Variants in OSBPL3 observed in about 807,000 individuals in gnomAD.
The protein encoded by OSBPL3 is oxysterol binding protein like 3.
A neutral mutation model predicts 120.1 loss-of-function variants in OSBPL3; 65 were observed. The ratio of observed to expected loss-of-function variants is 0.54; its 90% CI spans 0.44 to 0.67. The LOEUF is 0.67. Ranked by LOEUF, OSBPL3 falls within the 30% of genes least tolerant of loss-of-function variation. The pLI is 0.00. For synonymous variants in OSBPL3, 416 were observed against 402.6 expected, an observed-to-expected ratio of 1.03 and a Z score of -0.40; for missense variants, 1,004 against 1,082.1, an observed-to-expected ratio of 0.93 and a Z score of 1.01.
In OSBPL3 at chr7:24,830,527, G is replaced by C. The variant is rs143484173; in HGVS notation, c.1884+241C>G. The stretch of plus-strand genomic sequence containing the variant: ...TGTGCTAATGATTTTAAAGAGAAAG[G>C]ACACCGGCAATGCATGTAGCCAAGC... On this transcript the variant is annotated intron_variant, in intron 16 of 22. Transcript: ENST00000313367. This position sits in a 1 kb window ranked among gnomAD's most constrained non-coding sequence, Gnocchi z 4.4. 5.2e-3 allele frequency among the ~76,000 whole-genome samples: 795 copies of C among 152,204 alleles called. 3 individuals carry two copies. Among genetic ancestry groups the C allele is most frequent in the Middle Eastern group, 0.017 (5 of 294 alleles).
intron 1 of OSBPL3, among the ~76,000 whole-genome samples, chr7:24,934,692 A>G (rs1812184227): frequency 6.6e-6 from 1 of 152,174 alleles, no homozygotes; most frequent in Non-Finnish European, 1.5e-5. Flanking sequence ...CATACAGCTT[A>G]CTTTTGAATG....
chr7:24,917,411 T>TATATTTGTAAC (rs1809769174), intron 1 of OSBPL3, among the ~76,000 whole-genome samples: 4 of 137,598 alleles, frequency 2.9e-5, no homozygotes, highest in African/African-American at 1.2e-4. Flanking sequence ...CATATATATA[T>TATATTTGTAAC]ATATATATAT....
rs1818135047 is a variant in OSBPL3 at position 24,980,158 on chromosome 7, G to C, written c.-422C>G. The stretch of plus-strand genomic sequence containing the variant: ...GCCACCAGCACGCGGCCAGTTCTGA[G>C]TACTTTGCCCAGAACTTCTCGGCGC... On this transcript the variant is annotated 5_prime_UTR_variant, in exon 1 of 23. Coordinates refer to ENST00000313367, the MANE Select transcript of OSBPL3 (RefSeq NM_015550.4). 1 of 551,490 alleles carries C rather than the reference G, an allele frequency of 1.8e-6. No homozygotes were observed. The highest frequency in any genetic ancestry group is 2.3e-6 in the Non-Finnish European group (1 of 433,448). The allele number at this position is 551,490 out of a possible 1,614,324, so 34.2% of individuals were successfully genotyped here.
chr7:24,843,195 T>G (rs1032727676), intron 12 of OSBPL3, among the ~76,000 whole-genome samples: 8 of 149,760 alleles, frequency 5.3e-5, no homozygotes, highest in East Asian at 1.9e-4. Flanking sequence ...GTGGACTGAA[T>G]GAATGGTGAG....
Position 24,842,419 on chromosome 7 carries a change from TGAAGAACAAAA to T in OSBPL3, c.1267-17_1267-7del. 1 of 1,588,000 alleles carries T rather than the reference TGAAGAACAAAA, an allele frequency of 6.3e-7. No individual in the cohort carries two copies. The highest frequency in any genetic ancestry group is 2.2e-5 in the East Asian group (1 of 44,726). Reference sequence around the variant, plus strand: ...TTTTCATCTCTGGAGTTTTCCTATTTGAAGAACAAAACCAAAAATGTATACATTTAAAAACA... The same window carrying T: ...TTTTCATCTCTGGAGTTTTCCTATTTCCAAAAATGTATACATTTAAAAACA... On this transcript the variant is annotated splice_region_variant and splice_polypyrimidine_tract_variant and intron_variant, in intron 12 of 22. Coordinates refer to ENST00000313367, the MANE Select transcript of OSBPL3 (RefSeq NM_015550.4).
chr7:24,808,701 G>T lies in OSBPL3; in HGVS notation c.2317+1106C>A, dbSNP rs549034159. On this transcript the variant is annotated intron_variant, in intron 20 of 22. Coordinates refer to ENST00000313367, the MANE Select transcript of OSBPL3 (RefSeq NM_015550.4). This position sits in a 1 kb window ranked among gnomAD's most constrained non-coding sequence, Gnocchi z 4.6. ...TGCTTGCTAACAGAATACTGATTCT[G>T]TTCAAATGGCATTGTGCCCTTACTG... Among the ~76,000 whole-genome samples, 1 of 152,316 alleles carries T rather than the reference G, an allele frequency of 6.6e-6. No individual in the cohort carries two copies. Among genetic ancestry groups the T allele is most frequent in the East Asian group, 1.9e-4 (1 of 5,194 alleles).
chr7:24,815,149 T>C lies in OSBPL3; in HGVS notation c.2082A>G (p.Leu694=), dbSNP rs781071460. The part of the protein sequence containing the change: ...NKVTSCIHNI[L]SGQRWIEHYG... ...AGTGCTCAATCCACCTCTGCCCGCT[T>C]AAGATGTTATGGATGCAAGAGGTCA... The change falls in exon 19 of 23, where the codon TTA becomes TTG. Residue 694 remains leucine (L), a synonymous_variant. Coordinates refer to ENST00000313367, the MANE Select transcript of OSBPL3 (RefSeq NM_015550.4). The surrounding 1 kb of genome is among the most constrained non-coding windows in gnomAD (Gnocchi z 5.1). 6.2e-7 allele frequency: 1 copy of C among 1,613,118 alleles called. No individual in the cohort carries two copies. The highest frequency in any genetic ancestry group is 1.1e-5 in the South Asian group (1 of 91,042).
chr7:24,840,534 G>A (rs1259888929), intron 14 of OSBPL3, among the ~76,000 whole-genome samples, 156 bp downstream of exon 14: 1 of 152,130 alleles, frequency 6.6e-6, no homozygotes, highest in Non-Finnish European at 1.5e-5. Context: ...AATGTTAGTA[G>A]TTACATCTTT....
Position 24,852,584 on chromosome 7 carries a change from T to G in OSBPL3, c.1078A>C (p.Lys360Gln). 1 of 1,609,254 alleles carries G rather than the reference T, an allele frequency of 6.2e-7. No individual in the cohort carries two copies. The highest frequency in any genetic ancestry group is 8.5e-7 in the Non-Finnish European group (1 of 1,177,962). ...AFNIMSAERE[K>Q]LKQLMEQDAS... is the part of the protein sequence containing the mutation. ...TCCTGCTCCATCAGCTGCTTCAGTT[T>G]CTCTCTCTCCGCTGACATGATATTA... is the stretch of plus-strand genomic sequence containing the variant. The change falls in exon 11 of 23, where the codon AAA becomes CAA. Residue 360 changes from lysine to glutamine, a missense_variant. Physicochemically the swap from Lys to Gln is moderately conservative, Grantham distance 53. This residue lies in a region of OSBPL3 where 272 missense variants were observed against 248.8 expected (regional missense o/e 1.09). Coordinates refer to ENST00000313367, the MANE Select transcript of OSBPL3 (RefSeq NM_015550.4). This position sits in a 1 kb window ranked among gnomAD's most constrained non-coding sequence, Gnocchi z 4.1.
rs1020312221 is a variant in OSBPL3 at position 24,933,404 on chromosome 7, G to A, written c.-149-40783C>T. On this transcript the variant is annotated intron_variant, in intron 1 of 22. Coordinates refer to ENST00000313367, the MANE Select transcript of OSBPL3 (RefSeq NM_015550.4). This position sits in a 1 kb window ranked among gnomAD's most constrained non-coding sequence, Gnocchi z 5.1. Reference sequence around the variant, plus strand: ...TTTCTCTCTCAATGGACTCTGATTTGTTACTGAATAATTTCATGGACATAA... The same window carrying A: ...TTTCTCTCTCAATGGACTCTGATTTATTACTGAATAATTTCATGGACATAA... 6.6e-6 allele frequency among the ~76,000 whole-genome samples: 1 copy of A among 152,104 alleles called. No individual in the cohort carries two copies. Among genetic ancestry groups the A allele is most frequent in the Non-Finnish European group, 1.5e-5 (1 of 68,026 alleles).
chr7:24,818,054 C>T lies in OSBPL3; in HGVS notation c.1949-1366G>A, dbSNP rs760630661. ...CAGGTGAGAGAGGTGGGTCTGGGAC[C>T]AGCGAGCACAGTGGGCCTCATATTG... On this transcript the variant is annotated intron_variant, in intron 17 of 22. Transcript: ENST00000313367. The surrounding 1 kb of genome is among the most constrained non-coding windows in gnomAD (Gnocchi z 4.0). 6.6e-6 allele frequency among the ~76,000 whole-genome samples: 1 copy of T among 152,106 alleles called. No homozygotes were observed. The highest frequency in any genetic ancestry group is 2.4e-5 in the African/African-American group (1 of 41,394).
chr7:24,854,260 C>T lies in OSBPL3; in HGVS notation c.1028-1626G>A, dbSNP rs1455687084. 3.3e-5 allele frequency among the ~76,000 whole-genome samples: 5 copies of T among 152,124 alleles called. No individual in the cohort carries two copies. Among genetic ancestry groups the T allele is most frequent in the African/African-American group, 7.2e-5 (3 of 41,396 alleles). On this transcript the variant is annotated intron_variant, in intron 10 of 22. Transcript: ENST00000313367. The surrounding 1 kb of genome is among the most constrained non-coding windows in gnomAD (Gnocchi z 4.1). ...CTGAAGAGACTCAGACACATGTCTT[C>T]TCAAATGACCTAGCACATTACTGAA...
At chr7:24,908,386 T>C (rs1245991205) in intron 1 of OSBPL3, among the ~76,000 whole-genome samples, 1 of 152,192 alleles carries the variant, frequency 6.6e-6, no homozygotes, top group Non-Finnish European at 1.5e-5. Flanking sequence ...TCAGCACATG[T>C]GGTATTCATT....
At chr7:24,975,010 G>A (rs1371846490) in intron 1 of OSBPL3, among the ~76,000 whole-genome samples, 1 of 152,196 alleles carries the variant, frequency 6.6e-6, no homozygotes, top group Non-Finnish European at 1.5e-5. Context: ...GTGTCTCAAT[G>A]GTGAGTGGTG....
intron 10 of OSBPL3, among the ~76,000 whole-genome samples, chr7:24,856,920 T>G (rs950727074): frequency 1.1e-4 from 16 of 152,208 alleles, no homozygotes; most frequent in Non-Finnish European, 4.4e-5. Flanking sequence ...CCATCCAAAT[T>G]GATTTAGATA....
At chr7:24,839,201 T>A (rs556653444) in intron 14 of OSBPL3, among the ~76,000 whole-genome samples, 2 of 152,184 alleles carry the variant, frequency 1.3e-5, no homozygotes, top group Non-Finnish European at 2.9e-5. Flanking sequence ...GCTTTGAGTA[T>A]CCAATGCATA....
intron 1 of OSBPL3, among the ~76,000 whole-genome samples, chr7:24,974,254 C>T (rs1817334646): frequency 6.6e-6 from 1 of 152,160 alleles, no homozygotes; most frequent in Non-Finnish European, 1.5e-5. Context: ...TTCCTCTGTA[C>T]TCCCTCCTCA....
intron 2 of OSBPL3, among the ~76,000 whole-genome samples, chr7:24,889,516 C>T (rs951966664): frequency 3.3e-5 from 5 of 151,950 alleles, no homozygotes; most frequent in African/African-American, 1.2e-4. Flanking sequence ...TAATCACTTC[C>T]TAAAGTGTAC....
chr7:24,875,883 G>A (rs1308786584), intron 2 of OSBPL3, among the ~76,000 whole-genome samples: 1 of 152,088 alleles, frequency 6.6e-6, no homozygotes, highest in Non-Finnish European at 1.5e-5. Flanking sequence ...GTGGACGACA[G>A]GGTAAGAACC....
Sources: allele counts gnomAD v4.1 joint callset (sites outside exome capture counted in the v4.1 genomes callset), GRCh38; gene constraint gnomAD v4.1.1; regional missense constraint gnomAD v4.1.1; non-coding constraint Gnocchi (gnomAD v3.1); transcripts MANE v1.5; gene names NCBI Gene and HGNC (gene_info 2026-07-23, HGNC 2026-07-21).